The following LRRN2 variants were observed in gnomAD, a reference collection of about 807,000 sequenced individuals.
LRRN2 encodes leucine rich repeat neuronal 2.
In LRRN2, 10 loss-of-function variants were observed where a neutral mutation model predicts 35.7. The ratio of observed to expected loss-of-function variants is 0.28; its 90% CI spans 0.17 to 0.47. LRRN2 has a LOEUF of 0.47. Among genes scored for constraint, LRRN2 ranks in the 20% least tolerant of loss-of-function variants. The pLI, the probability that LRRN2 is intolerant of heterozygous loss-of-function variation, is 0.99. For missense variants in LRRN2, 731 were observed against 940.3 expected, an observed-to-expected ratio of 0.78 and a Z score of 2.91; for synonymous variants, 391 against 409.6, an observed-to-expected ratio of 0.95 and a Z score of 0.55.
At chr1:204,621,730 C>T (rs1666909701) in intron 1 of LRRN2, 1 of 167,122 alleles carries the variant, frequency 6.0e-6, no homozygotes, top group Non-Finnish European at 1.5e-5. Context: ...ATGCCAGGGC[C>T]ATGAGGCAAG....
chr1:204,624,811 G>T (rs1485873313), intron 1 of LRRN2, among the ~76,000 whole-genome samples: 1 of 145,856 alleles, frequency 6.9e-6, no homozygotes, highest in Non-Finnish European at 1.5e-5. Flanking sequence ...GTGATCGATT[G>T]CCTGGCCTTG....
In LRRN2 at chr1:204,619,164, C is replaced by T; in HGVS notation, c.829G>A (p.Gly277Arg). The change falls in exon 2 of 2, where the codon GGG (glycine) becomes AGG (arginine). Residue 277 changes from glycine (G) to arginine (R), a missense_variant. Physicochemically the swap from Gly to Arg is moderately radical, Grantham distance 125. This residue lies in a region of LRRN2 where 256 missense variants were observed against 392.4 expected (regional missense o/e 0.65). Transcript: ENST00000367177. ...DLNKNPLQRV[G>R]PGDFANMLHL... ...AGCATGTTGGCAAAGTCCCCCGGCC[C>T]TACCCGCTGGAGCGGGTTCTTGTTG... 6.2e-7 allele frequency: 1 copy of T among 1,614,068 alleles called. No individual in the cohort carries two copies. The highest frequency in any genetic ancestry group is 8.5e-7 in the Non-Finnish European group (1 of 1,180,018).
chr1:204,675,055 G>A (rs1034397709), intron 1 of LRRN2, among the ~76,000 whole-genome samples: 1 of 152,156 alleles, frequency 6.6e-6, no homozygotes, highest in African/African-American at 2.4e-5. Flanking sequence ...TTGCAGTCCC[G>A]GCTCATCCAC....
At chr1:204,678,576 CTGACTT>C (rs373140349) in intron 1 of LRRN2, among the ~76,000 whole-genome samples, 355 of 152,302 alleles carry the variant, frequency 2.3e-3, no homozygotes, top group African/African-American at 8.1e-3. Flanking sequence ...TCCTGACCCT[CTGACTT>C]TATCTCCTGC....
At chr1:204,659,928 C>T (rs1342459175) in intron 1 of LRRN2, among the ~76,000 whole-genome samples, 1 of 152,196 alleles carries the variant, frequency 6.6e-6, no homozygotes, top group Non-Finnish European at 1.5e-5. Context: ...GGCTCATTGA[C>T]CCCTCTTTAC....
intron 1 of LRRN2, among the ~76,000 whole-genome samples, chr1:204,657,708 A>T (rs1668390337): frequency 6.6e-6 from 1 of 152,174 alleles, no homozygotes; most frequent in African/African-American, 2.4e-5. Flanking sequence ...CAAATTGTAC[A>T]CTTTAAAATG....
chr1:204,638,463 G>A (rs1251663412), intron 1 of LRRN2, among the ~76,000 whole-genome samples: 1 of 136,086 alleles, frequency 7.3e-6, no homozygotes, highest in Non-Finnish European at 1.5e-5. Flanking sequence ...CCAGGCTGGA[G>A]TGCAGTGGTG....
In LRRN2 at chr1:204,619,973, G is replaced by C; in HGVS notation, c.20C>G (p.Pro7Arg). The stretch of plus-strand genomic sequence containing the variant: ...ACCAGCCACCCAAGCTAGCAAGAGT[G>C]GGGCCACGAGAAGCCTCATGGTGGA... MRLLVA[P>R]LLLAWVAGAT... Residue 7 changes from proline to arginine, a missense_variant, in exon 2 of 2, where the codon CCA becomes CGA. Coordinates refer to ENST00000367177, the MANE Select transcript of LRRN2 (RefSeq NM_201630.2). 6.2e-7 allele frequency: 1 copy of C among 1,610,212 alleles called. No individual in the cohort carries two copies. Among genetic ancestry groups the C allele is most frequent in the South Asian group, 1.1e-5 (1 of 90,378 alleles).
At chr1:204,665,392 C>T (rs569712796) in intron 1 of LRRN2, among the ~76,000 whole-genome samples, 5 of 152,272 alleles carry the variant, frequency 3.3e-5, no homozygotes, top group African/African-American at 7.2e-5. Context: ...CTCCCACCTC[C>T]GCCTTCCAAA....
At chr1:204,675,099 T>G (rs1254862937) in intron 1 of LRRN2, among the ~76,000 whole-genome samples, 8 of 152,114 alleles carry the variant, frequency 5.3e-5, no homozygotes, top group Non-Finnish European at 1.2e-4. Flanking sequence ...AACCACTCCT[T>G]CCTGGGCCTC....
intron 1 of LRRN2, 51 bp from the exon 2 acceptor site, chr1:204,620,269 C>T: frequency 7.9e-7 from 1 of 1,262,972 alleles, no homozygotes; most frequent in East Asian, 2.9e-5. Context: ...GCAGTATCTA[C>T]CCCTCCTCCC....
chr1:204,646,389 T>C (rs925411352), intron 1 of LRRN2, among the ~76,000 whole-genome samples: 6 of 152,252 alleles, frequency 3.9e-5, no homozygotes, highest in Non-Finnish European at 5.9e-5. Flanking sequence ...ACTACTCTTG[T>C]TTGAGTTGAA....
chr1:204,657,341 T>TATAC (rs1553349082), intron 1 of LRRN2, among the ~76,000 whole-genome samples: 63 of 146,952 alleles, frequency 4.3e-4, no homozygotes, highest in African/African-American at 1.6e-3. Context: ...TATGTATATA[T>TATAC]ACACACACAC....
At position 204,661,110 on chromosome 1, in the gene LRRN2, TTCTC is replaced by T. The variant is rs557635242; in HGVS notation, c.-227+24206_-227+24209del. On this transcript the variant is annotated intron_variant, in intron 1 of 1. Coordinates refer to ENST00000367177, the MANE Select transcript of LRRN2 (RefSeq NM_201630.2). The stretch of plus-strand genomic sequence containing the variant: ...TTGATTGATTGATTGATTAATTTTT[TTCTC>T]TCTCTCTATCAGAAGAGGGTAAGGT... Among the ~76,000 whole-genome samples, 209 of 152,220 alleles carry T rather than the reference TTCTC, an allele frequency of 1.4e-3. 2 individuals carry two copies. Among genetic ancestry groups the T allele is most frequent in the African/African-American group, 5.0e-3 (206 of 41,536 alleles).
In LRRN2 at chr1:204,655,193, C is replaced by T. The variant is rs562404037; in HGVS notation, c.-227+30127G>A. ...AAGAGTGGAAATGAGGTAAGTTCTC[C>T]GACAGCGGAACTGACCACCCCAGCA... On this transcript the variant is annotated intron_variant, in intron 1 of 1. Transcript: ENST00000367177. Among the ~76,000 whole-genome samples the T allele has an allele frequency of 4.6e-5, 7 of 152,376 alleles. No homozygotes were observed. The East Asian group carries it at 7.7e-4, about 17-fold the overall frequency.
At chr1:204,664,798 G>A (rs1222815328) in intron 1 of LRRN2, among the ~76,000 whole-genome samples, 2 of 152,104 alleles carry the variant, frequency 1.3e-5, no homozygotes, top group East Asian at 1.9e-4. Flanking sequence ...CCCGTCTTCT[G>A]CGTCTGCCTT....
In LRRN2 at chr1:204,652,124, C is replaced by A. The variant is rs367741555; in HGVS notation, c.-226-31906G>T. Among the ~76,000 whole-genome samples the A allele has an allele frequency of 7.3e-4, 111 of 152,216 alleles. 1 individual carries two copies. The South Asian group carries it at 0.023, about 31-fold the overall frequency. On this transcript the variant is annotated intron_variant, in intron 1 of 1. Coordinates refer to ENST00000367177, the MANE Select transcript of LRRN2 (RefSeq NM_201630.2). ...TGGGAAGCAGAGAAGACAAAGGTTG[C>A]GGATGGCTTCACACCCTGTCAAAAC...
At chr1:204,659,505 T>C (rs1175200717) in intron 1 of LRRN2, among the ~76,000 whole-genome samples, 1 of 152,178 alleles carries the variant, frequency 6.6e-6, no homozygotes, top group African/African-American at 2.4e-5. Context: ...ATTATTCAAG[T>C]GCTCCTGGAA....
chr1:204,665,724 C>T (rs1014251411), intron 1 of LRRN2, among the ~76,000 whole-genome samples: 1 of 152,204 alleles, frequency 6.6e-6, no homozygotes. Context: ...ATCTCCTGGG[C>T]GCTGTGCCCA....
Sources: gnomAD v4.1 joint callset for allele counts (sites outside exome capture counted in the v4.1 genomes callset) on GRCh38, gnomAD v4.1.1 for gene constraint, gnomAD v4.1.1 regional missense constraint, MANE v1.5 for transcripts, NCBI Gene and HGNC (gene_info 2026-07-23, HGNC 2026-07-21) for gene names.